Variants in GRIK2 observed in about 807,000 individuals in gnomAD.
The protein encoded by GRIK2 is glutamate receptor ionotropic, kainate 2.
In GRIK2, 32 loss-of-function variants were observed where a neutral mutation model predicts 100.3. The ratio of observed to expected loss-of-function variants is 0.32; its 90% CI spans 0.24 to 0.43. The LOEUF (loss-of-function observed/expected upper bound fraction) is 0.43. Ranked by LOEUF, GRIK2 falls within the 20% of genes least tolerant of loss-of-function variation. The pLI is 1.00. For synonymous variants in GRIK2, 417 were observed against 389.4 expected (o/e 1.07, Z -0.83); for missense variants, 843 against 1,114.9 (o/e 0.76, Z 3.47).
rs1301156280 is a variant in GRIK2, at chr6:102,055,506, G to A, written c.2488G>A (p.Gly830Ser). 1.2e-6 allele frequency: 2 copies of A among 1,613,446 alleles called. No homozygotes were observed. Among genetic ancestry groups the A allele is most frequent in the Non-Finnish European group, 1.7e-6 (2 of 1,179,518 alleles). The change falls in exon 16 of 17, where the codon GGC (glycine) becomes AGC (serine). Residue 830 changes from glycine (G) to serine (S), a missense_variant. Coordinates refer to ENST00000369134, the MANE Select transcript of GRIK2 (RefSeq NM_021956.5). Reference sequence around the variant, plus strand: ...TGGCATCTTCATTGTTCTGGCAGCCGGCTTGGTGCTTTCAGTTTTTGTGGC... The same window carrying A: ...TGGCATCTTCATTGTTCTGGCAGCCAGCTTGGTGCTTTCAGTTTTTGTGGC... ...IGGIFIVLAA[G>S]LVLSVFVAVG...
Position 101,451,693 on chromosome 6 carries a change from TGAG to T in GRIK2, c.115+52303_115+52305del, listed in dbSNP as rs951236023. 3.5e-4 allele frequency among the ~76,000 whole-genome samples: 18 copies of T among 52,126 alleles called. 1 individual carries two copies. The highest frequency in any genetic ancestry group is 1.8e-3 in the African/African-American group (16 of 8,922). 34.2% of individuals were successfully genotyped at this position (52,126 alleles called of 152,430 possible). A position where few individuals can be genotyped will look rare whatever the true frequency, so the allele number is the denominator to read the frequency against. ...TTTCTGAGAGCCCATTATTTATCTCTGAGGGGGGGGGGGGTGCCAAATACCTCC... is the reference window on the plus strand; with the variant it reads ...TTTCTGAGAGCCCATTATTTATCTCTGGGGGGGGGGGTGCCAAATACCTCC... On this transcript the variant is annotated intron_variant, in intron 2 of 16. Transcript: ENST00000369134.
At chr6:101,555,565 T>C (rs1050930200) in intron 2 of GRIK2, among the ~76,000 whole-genome samples, 3 of 152,228 alleles carry the variant, frequency 2.0e-5, no homozygotes, top group African/African-American at 7.2e-5. Flanking sequence ...AAATTTCATC[T>C]AAAATTTTAT....
At chr6:101,748,757 T>C (rs1776603676) in intron 7 of GRIK2, among the ~76,000 whole-genome samples, 1 of 152,140 alleles carries the variant, frequency 6.6e-6, no homozygotes, top group African/African-American at 2.4e-5. Flanking sequence ...ACTCAAAATA[T>C]ATGTACATGT....
At position 102,068,985 on chromosome 6, in the gene GRIK2, C is replaced by G. The variant is rs1486878325; in HGVS notation, c.*474C>G. ...CCAGATCATAGAGGTGATGATGTTACTAGCCCCCAACTACTCAGTATAATT... is the reference window on the plus strand; with the variant it reads ...CCAGATCATAGAGGTGATGATGTTAGTAGCCCCCAACTACTCAGTATAATT... On this transcript the variant is annotated 3_prime_UTR_variant, in exon 17 of 17. Coordinates refer to ENST00000369134, the MANE Select transcript of GRIK2 (RefSeq NM_021956.5). The G allele has an allele frequency of 6.5e-6, 1 of 153,476 alleles. No homozygotes were observed. The highest frequency in any genetic ancestry group is 2.4e-5 in the African/African-American group (1 of 41,428). 9.5% of individuals were successfully genotyped at this position (153,476 alleles called of 1,614,324 possible).
chr6:101,966,782 A>G (rs961075342), intron 14 of GRIK2, among the ~76,000 whole-genome samples: 4 of 152,166 alleles, frequency 2.6e-5, no homozygotes, highest in Admixed American at 6.6e-5. Flanking sequence ...GGAAAATATT[A>G]ACAATTTAAT....
intron 9 of GRIK2, among the ~76,000 whole-genome samples, chr6:101,810,967 T>C (rs1781289486): frequency 6.6e-6 from 1 of 152,094 alleles, no homozygotes; most frequent in Non-Finnish European, 1.5e-5. Flanking sequence ...ATTCAGTCAA[T>C]TGCAGGAAAC....
rs535098663 is a variant in GRIK2 at position 101,429,188 on chromosome 6, T to G, written c.115+29796T>G. ...GAACCGGATCTTCAGTCAAAATACT[T>G]TACAAGCAGCTATTTACTTGTTATT... is the stretch of plus-strand genomic sequence containing the variant. On this transcript the variant is annotated intron_variant, in intron 2 of 16. Coordinates refer to ENST00000369134, the MANE Select transcript of GRIK2 (RefSeq NM_021956.5). Among the ~76,000 whole-genome samples, 12 of 152,314 alleles carry G rather than the reference T, an allele frequency of 7.9e-5. No homozygotes were observed. In the South Asian group the frequency reaches 2.5e-3, roughly 32 times the overall value.
At chr6:101,946,518 A>G (rs561050600) in intron 14 of GRIK2, among the ~76,000 whole-genome samples, 1 of 47,998 alleles carries the variant, frequency 2.1e-5, no homozygotes, top group African/African-American at 6.2e-5. Context: ...ATTGCTGTTG[A>G]AAAAAAAAAT....
chr6:101,988,148 C>T (rs1417592035), intron 14 of GRIK2, among the ~76,000 whole-genome samples: 15 of 8,508 alleles, frequency 1.8e-3, no homozygotes, highest in Non-Finnish European at 3.6e-3. Flanking sequence ...CGCGCGCGCG[C>T]GCGCGCGTGC....
chr6:101,540,627 A>G (rs1384098083), intron 2 of GRIK2, among the ~76,000 whole-genome samples: 1 of 152,008 alleles, frequency 6.6e-6, no homozygotes, highest in Non-Finnish European at 1.5e-5. Flanking sequence ...GAAGCATACA[A>G]ATATGAAACT....
chr6:101,525,520 T>A (rs1775107536), intron 2 of GRIK2, among the ~76,000 whole-genome samples: 1 of 152,152 alleles, frequency 6.6e-6, no homozygotes, highest in Non-Finnish European at 1.5e-5. Flanking sequence ...GGAAAACACA[T>A]CCAGTGCAAC....
intron 2 of GRIK2, among the ~76,000 whole-genome samples, chr6:101,506,868 T>C (rs1446135739): frequency 6.6e-6 from 1 of 152,288 alleles, no homozygotes; most frequent in East Asian, 1.9e-4. Context: ...TGTGCAAATT[T>C]GAGTTTTATC....
At chr6:101,763,719 TA>T (rs1202836399) in intron 7 of GRIK2, among the ~76,000 whole-genome samples, 1 of 152,236 alleles carries the variant, frequency 6.6e-6, no homozygotes, top group Non-Finnish European at 1.5e-5. Flanking sequence ...AGTTGAAATT[TA>T]AAATATGTTA....
chr6:101,981,575 A>G (rs1039655399), intron 14 of GRIK2, among the ~76,000 whole-genome samples: 3 of 151,966 alleles, frequency 2.0e-5, no homozygotes, highest in Non-Finnish European at 2.9e-5. Flanking sequence ...ATACAGTGGT[A>G]TTAGGAAAAA....
At chr6:102,050,648 TAAAAAAAAAA>T (rs146553452) in intron 15 of GRIK2, among the ~76,000 whole-genome samples, 1 of 43,338 alleles carries the variant, frequency 2.3e-5, no homozygotes, top group African/African-American at 9.2e-5. Context: ...AAACTCGGTC[TAAAAAAAAAA>T]AAAAAAAAAC....
intron 7 of GRIK2, among the ~76,000 whole-genome samples, chr6:101,771,034 A>G (rs967853349): frequency 6.6e-6 from 1 of 152,086 alleles, no homozygotes; most frequent in Non-Finnish European, 1.5e-5. Context: ...ATAATTATTT[A>G]TGGTTTGATT....
intron 14 of GRIK2, among the ~76,000 whole-genome samples, chr6:101,935,138 T>C (rs1160993870): frequency 6.6e-6 from 1 of 151,908 alleles, no homozygotes; most frequent in Admixed American, 6.6e-5. Flanking sequence ...ATTACGCGGA[T>C]TCTAATAATT....
intron 2 of GRIK2, among the ~76,000 whole-genome samples, chr6:101,607,736 C>T (rs1779498680): frequency 6.6e-6 from 1 of 151,922 alleles, no homozygotes; most frequent in Non-Finnish European, 1.5e-5. Context: ...ATGCAATCAG[C>T]ATCACCTACA....
chr6:101,774,098 A>G (rs73761427), intron 7 of GRIK2, among the ~76,000 whole-genome samples: 4,048 of 152,180 alleles, frequency 0.027, 123 homozygotes, highest in African/African-American at 0.071. Flanking sequence ...TTTAATTTTT[A>G]GGTTATCAGT....
Sources: gnomAD v4.1 joint callset for allele counts (sites outside exome capture counted in the v4.1 genomes callset) on GRCh38, gnomAD v4.1.1 for gene constraint, MANE v1.5 for transcripts, NCBI Gene and HGNC (gene_info 2026-07-23, HGNC 2026-07-21) for gene names.